DDX60L: variants seen among roughly 807,000 people sequenced by gnomAD.
DDX60L encodes the protein DExD/H-box 60 like.
In DDX60L, 191 loss-of-function variants were observed where a neutral mutation model predicts 211.6. The observed-to-expected ratio is 0.90, with a 90% CI of 0.80 to 1.02. The LOEUF (loss-of-function observed/expected upper bound fraction) is 1.02. DDX60L is among the 50% of genes least tolerant of loss of function. The pLI, the probability that DDX60L is intolerant of heterozygous loss-of-function variation, is 0.00. For synonymous variants in DDX60L, 706 were observed against 694.1 expected (o/e 1.02, Z -0.27); for missense variants, 2,007 against 1,984.1 (o/e 1.01, Z -0.22).
chr4:168,476,358 T>A (rs1759485903), intron 1 of DDX60L, among the ~76,000 whole-genome samples: 1 of 152,124 alleles, frequency 6.6e-6, no homozygotes, highest in Non-Finnish European at 1.5e-5. Flanking sequence ...AATTAATGGA[T>A]CTAGATATTG....
intron 8 of DDX60L, among the ~76,000 whole-genome samples, chr4:168,450,064 G>T (rs927346138): frequency 6.6e-6 from 1 of 152,180 alleles, no homozygotes; most frequent in South Asian, 2.1e-4. Context: ...GGGACTCGGC[G>T]GCCCATGGAG....
chr4:168,358,321 T>A, intron 37 of DDX60L, 45 bp from the exon 38 acceptor site: 1 of 1,337,538 alleles, frequency 7.5e-7, no homozygotes, highest in Non-Finnish European at 1.0e-6. Context: ...AGCCCACATT[T>A]TTATAACAAT....
chr4:168,390,621 A>T, intron 29 of DDX60L: 1 of 706,132 alleles, frequency 1.4e-6, no homozygotes, highest in Non-Finnish European at 2.0e-6. Flanking sequence ...TTTCGAGACT[A>T]GGCAAAGATT....
At chr4:168,426,474 T>C (rs1027472444) in intron 14 of DDX60L, among the ~76,000 whole-genome samples, 1 of 151,366 alleles carries the variant, frequency 6.6e-6, no homozygotes, top group African/African-American at 2.4e-5. Flanking sequence ...ATAATGGGTC[T>C]CAGGCAAAAC....
At chr4:168,390,501 C>T in intron 29 of DDX60L, 1 of 1,403,416 alleles carries the variant, frequency 7.1e-7, no homozygotes, top group Non-Finnish European at 9.2e-7. Context: ...TCACAGTCTT[C>T]ATATTCCAGT....
In DDX60L at chr4:168,458,700, G is replaced by A. The variant is rs1041748763; in HGVS notation, c.607-692C>T. On this transcript the variant is annotated intron_variant, in intron 5 of 37. Coordinates refer to ENST00000682922, the MANE Select transcript of DDX60L (RefSeq NM_001012967.3). The stretch of plus-strand genomic sequence containing the variant: ...TCAGGATAAATAACTAATGCGTGCA[G>A]GGTTTAATACCTAGGTGATGGGTTG... Among the ~76,000 whole-genome samples, 5 of 152,146 alleles carry A rather than the reference G, an allele frequency of 3.3e-5. No homozygotes were observed. The South Asian group carries it at 1.0e-3, about 32-fold the overall frequency.
chr4:168,359,084 T>A (rs145874055), intron 37 of DDX60L, among the ~76,000 whole-genome samples: 1 of 152,334 alleles, frequency 6.6e-6, no homozygotes, highest in Non-Finnish European at 1.5e-5. Flanking sequence ...AGTGAGTCCC[T>A]CAGCTACCTG....
rs1360980799 is a variant in DDX60L at position 168,357,928 on chromosome 4, T to A, written c.*219A>T. ...TTAATCCTCAAAACAACTAGAGGTA[T>A]TCATTTTTACTCCGGTTTTGCCAAA... On this transcript the variant is annotated 3_prime_UTR_variant, in exon 38 of 38. Coordinates refer to ENST00000682922, the MANE Select transcript of DDX60L (RefSeq NM_001012967.3). 4.6e-6 allele frequency: 2 copies of A among 435,336 alleles called. No individual in the cohort carries two copies. The highest frequency in any genetic ancestry group is 8.2e-6 in the Non-Finnish European group (2 of 245,344). 27.0% of individuals were successfully genotyped at this position (435,336 alleles called of 1,614,324 possible). A position where few individuals can be genotyped will look rare whatever the true frequency, so the allele number is the denominator to read the frequency against.
At chr4:168,388,983 G>A (rs1306171988) in intron 29 of DDX60L, among the ~76,000 whole-genome samples, 9 of 152,308 alleles carry the variant, frequency 5.9e-5, no homozygotes, top group South Asian at 2.1e-4. Flanking sequence ...TCCCTGGGAG[G>A]CAGTGAATGT....
intron 22 of DDX60L, among the ~76,000 whole-genome samples, 185 bp from the exon 23 acceptor site, chr4:168,406,891 T>A (rs1747836352): frequency 2.0e-5 from 3 of 152,144 alleles, no homozygotes; most frequent in Admixed American, 1.3e-4. Flanking sequence ...CAAAGTAGCA[T>A]CCCTAACCTG....
At chr4:168,436,624 T>G (rs977765922) in intron 10 of DDX60L, among the ~76,000 whole-genome samples, 3 of 152,176 alleles carry the variant, frequency 2.0e-5, no homozygotes, top group Non-Finnish European at 4.4e-5. Context: ...GGCCAATATA[T>G]AGTGTTGTTT....
At chr4:168,365,094 A>G (rs1318302650) in intron 36 of DDX60L, among the ~76,000 whole-genome samples, 1 of 152,120 alleles carries the variant, frequency 6.6e-6, no homozygotes, top group Non-Finnish European at 1.5e-5. Context: ...TTTTTACTAA[A>G]CAACCAAATG....
chr4:168,456,263 A>G, intron 6 of DDX60L, 111 bp from the exon 7 acceptor site: 1 of 505,050 alleles, frequency 2.0e-6, no homozygotes, highest in Non-Finnish European at 3.2e-6. Flanking sequence ...AGATTTGACT[A>G]AACGGAACTT....
At chr4:168,438,762 A>C (rs1369018528) in intron 10 of DDX60L, among the ~76,000 whole-genome samples, 1 of 152,220 alleles carries the variant, frequency 6.6e-6, no homozygotes. Context: ...GGGTTTAGGG[A>C]ATAGGTAATG....
chr4:168,426,140 C>A (rs1361984978), intron 14 of DDX60L, among the ~76,000 whole-genome samples: 2 of 152,168 alleles, frequency 1.3e-5, no homozygotes, highest in African/African-American at 4.8e-5. Context: ...TCTATTCCCC[C>A]ATAGCTATGG....
rs750275198 is a variant in DDX60L at position 168,403,963 on chromosome 4, T to C, written c.3338+19A>G. The C allele has an allele frequency of 4.3e-6, 6 of 1,409,846 alleles. No homozygotes were observed. Among genetic ancestry groups the C allele is most frequent in the Non-Finnish European group, 4.8e-6 (5 of 1,051,150 alleles). The allele number at this position is 1,409,846 out of a possible 1,614,324, so 87.3% of individuals were successfully genotyped here. Reference sequence around the variant, plus strand: ...ATTCTCACATATAAACAAAGATAAATTAAGTTTCAGTTACTTACAAAAAAA... The same window carrying C: ...ATTCTCACATATAAACAAAGATAAACTAAGTTTCAGTTACTTACAAAAAAA... On this transcript the variant is annotated intron_variant, in intron 25 of 37. Coordinates refer to ENST00000682922, the MANE Select transcript of DDX60L (RefSeq NM_001012967.3).
intron 20 of DDX60L, 44 bp from the exon 21 acceptor site, chr4:168,415,843 T>C: frequency 7.3e-7 from 1 of 1,378,852 alleles, no homozygotes; most frequent in Non-Finnish European, 9.5e-7. Context: ...AATATAGAAG[T>C]ATTTATCAAG....
chr4:168,441,834 A>C (rs553690821), intron 9 of DDX60L, among the ~76,000 whole-genome samples: 1 of 152,280 alleles, frequency 6.6e-6, no homozygotes, highest in African/African-American at 2.4e-5. Context: ...AAAATTAACA[A>C]AGGAACATCA....
At chr4:168,410,747 A>G (rs188208372) in intron 22 of DDX60L, among the ~76,000 whole-genome samples, 2 of 152,168 alleles carry the variant, frequency 1.3e-5, no homozygotes, top group Non-Finnish European at 2.9e-5. Flanking sequence ...CGAAAACTTC[A>G]TCTTCTCAAT....
Sources: allele counts gnomAD v4.1 joint callset (sites outside exome capture counted in the v4.1 genomes callset), GRCh38; gene constraint gnomAD v4.1.1; transcripts MANE v1.5; gene names NCBI Gene and HGNC (gene_info 2026-07-23, HGNC 2026-07-21).